The following VCP variants were observed in gnomAD, a reference collection of about 807,000 sequenced individuals.
VCP encodes the protein transitional endoplasmic reticulum ATPase.
In VCP, 6 loss-of-function variants were observed where a neutral mutation model predicts 85.7. The observed-to-expected ratio is 0.07, with a 90% CI of 0.04 to 0.14. The LOEUF (loss-of-function observed/expected upper bound fraction) is 0.14, where lower values mean the gene tolerates loss of function less well. Ranked by LOEUF, VCP falls within the 10% of genes least tolerant of loss-of-function variation. The pLI is 1.00. For synonymous variants in VCP, 384 were observed against 367.1 expected (o/e 1.05, Z -0.53); for missense variants, 353 against 1,043.4 (o/e 0.34, Z 9.12).
intron 7 of VCP, 43 bp from the exon 8 acceptor site, chr9:35,062,393 T>C (rs1272343565): frequency 1.2e-6 from 2 of 1,613,514 alleles, no homozygotes; most frequent in Non-Finnish European, 1.7e-6. Context: ...ATGATAGTCT[T>C]TCCCAATTCC....
rs200767982 is a variant in VCP, at chr9:35,057,462, C to T, written c.2229G>A (p.Ala743=). Residue 743 remains alanine, a synonymous_variant, in exon 16 of 17, where the codon GCG becomes GCA. Transcript: ENST00000358901. ...TGTCATTGTCACTGACAGAACGGCG[C>T]GCAAAGCGCATGGCTTCTTCAAAGT... ...RDHFEEAMRF[A]RRSVSDNDIR... 96 of 1,614,164 alleles carry T rather than the reference C, an allele frequency of 5.9e-5. No homozygotes were observed. Among genetic ancestry groups the T allele is most frequent in the East Asian group, 4.0e-4 (18 of 44,896 alleles).
At position 35,056,895 on chromosome 9, in the gene VCP, A is replaced by C. The variant is rs552274643; in HGVS notation, c.*222T>G. The C allele has an allele frequency of 5.5e-6, 3 of 540,764 alleles. No individual in the cohort carries two copies. Among genetic ancestry groups the C allele is most frequent in the Non-Finnish European group, 1.0e-5 (3 of 297,200 alleles). 33.5% of individuals were successfully genotyped at this position (540,764 alleles called of 1,614,324 possible). ...AGGCCCAATTCCCTGTTGGTAATTC[A>C]CTCTCCGCCTACCAAATGAAAATCG... On this transcript the variant is annotated 3_prime_UTR_variant, in exon 17 of 17. Transcript: ENST00000358901.
At chr9:35,070,796 C>T (rs1050704856) in intron 1 of VCP, among the ~76,000 whole-genome samples, 1 of 152,190 alleles carries the variant, frequency 6.6e-6, no homozygotes, top group African/African-American at 2.4e-5. Flanking sequence ...TGCCTACCAT[C>T]CCGGACTCTG....
chr9:35,057,971 TACC>T (rs1360808108), intron 15 of VCP: 1 of 295,200 alleles, frequency 3.4e-6, no homozygotes, highest in African/African-American at 2.2e-5. Flanking sequence ...TTTCAGTGCT[TACC>T]ACATTTGGAT....
In VCP at chr9:35,060,465, G is replaced by A. The variant is rs1209827871; in HGVS notation, c.1543C>T (p.Leu515=). 6.2e-7 allele frequency: 1 copy of A among 1,614,244 alleles called. No homozygotes were observed. The highest frequency in any genetic ancestry group is 8.5e-7 in the Non-Finnish European group (1 of 1,180,048). Residue 515 remains leucine (L), a synonymous_variant, in exon 13 of 17, where the codon CTG becomes TTG. Transcript: ENST00000358901. ...CCACAGCCAGGAGGTCCATAGAACA[G>A]AACTCCCTTGGAAGGTGTCATGCCA... is the stretch of plus-strand genomic sequence containing the variant. The part of the protein sequence containing the change: ...KFGMTPSKGV[L]FYGPPGCGKT...
rs774553416 is a variant in VCP, at chr9:35,068,231, A to G, written c.129+20T>C. The G allele has an allele frequency of 1.2e-6, 2 of 1,611,366 alleles. No individual in the cohort carries two copies. The highest frequency in any genetic ancestry group is 2.2e-5 in the South Asian group (2 of 91,008). On this transcript the variant is annotated intron_variant, in intron 2 of 16. Coordinates refer to ENST00000358901, the MANE Select transcript of VCP (RefSeq NM_007126.5). ...CAAGTAAGTGCAGTAAGGAAAGACT[A>G]GTCTGTGGCCACAGCTTACCTGGGA...
At position 35,059,958 on chromosome 9, in the gene VCP, C is replaced by CT. The variant is rs1828689074; in HGVS notation, c.1696-158dup. ...AACCAGCATGGGCAACATACTGAGA[C>CT]TTTGTCTCTACAAAAAATAAAAAAT... On this transcript the variant is annotated intron_variant, in intron 13 of 16. Coordinates refer to ENST00000358901, the MANE Select transcript of VCP (RefSeq NM_007126.5). The surrounding 1 kb of genome is among the most constrained non-coding windows in gnomAD (Gnocchi z 4.9). The CT allele has an allele frequency of 2.2e-6, 2 of 906,766 alleles. No homozygotes were observed. Among genetic ancestry groups the CT allele is most frequent in the South Asian group, 3.2e-5 (2 of 62,344 alleles). The allele number at this position is 906,766 out of a possible 1,614,324, so 56.2% of individuals were successfully genotyped here.
chr9:35,071,367 C>T (rs1828940917), intron 1 of VCP, among the ~76,000 whole-genome samples: 1 of 120,496 alleles, frequency 8.3e-6, no homozygotes, highest in South Asian at 2.9e-4. Context: ...CTGAGGTAGC[C>T]AAGTTTTATC....
In VCP at chr9:35,057,137, CATT is replaced by C. The variant is rs759030803; in HGVS notation, c.2398_2400del (p.Asn800del). ...ACCACTTAGCCATACAGGTCATCAT[CATT>C]GTCTTCTGTGTATACACTGCCACCT... On this transcript the variant is annotated inframe_deletion, in exon 17 of 17. Transcript: ENST00000358901. The C allele has an allele frequency of 7.4e-6, 12 of 1,614,062 alleles. No homozygotes were observed. The highest frequency in any genetic ancestry group is 5.5e-5 in the South Asian group (5 of 91,076).
chr9:35,058,576 C>T (rs1458393154), intron 15 of VCP, among the ~76,000 whole-genome samples: 2 of 152,048 alleles, frequency 1.3e-5, no homozygotes, highest in African/African-American at 2.4e-5. Flanking sequence ...TCCTGGCTAA[C>T]GTGGTGAAAC....
At chr9:35,065,753 A>G (rs1828815940) in intron 4 of VCP, among the ~76,000 whole-genome samples, 2 of 152,060 alleles carry the variant, frequency 1.3e-5, no homozygotes, top group South Asian at 4.1e-4. Flanking sequence ...CCATAAAGAT[A>G]GCTTACTCTC....
intron 3 of VCP, 120 bp downstream of exon 3, chr9:35,067,771 G>C: frequency 2.3e-6 from 3 of 1,318,156 alleles, no homozygotes; most frequent in Non-Finnish European, 3.2e-6. Context: ...CCATGACCAG[G>C]AGGCTTCCTG....
rs901263905 is a variant in VCP, at chr9:35,059,859, G to A, written c.1696-58C>T. On this transcript the variant is annotated intron_variant, in intron 13 of 16. Transcript: ENST00000358901. This position sits in a 1 kb window ranked among gnomAD's most constrained non-coding sequence, Gnocchi z 4.9. ...CAAAACTAGATGTCTCTAGGCAAAC[G>A]TGGTGGCTCACACCTGTATTCCCAG... 7 of 1,609,368 alleles carry A rather than the reference G, an allele frequency of 4.3e-6. No homozygotes were observed. In the African/African-American group the frequency reaches 8.0e-5, roughly 18 times the overall value.
rs773849967 is a variant in VCP at position 35,064,130 on chromosome 9, G to C, written c.708+24C>G. Reference sequence around the variant, plus strand: ...TAGACATTGGCACCACTTTAGACTTGATTCCAGAGCCCAGGATGCTCACCT... The same window carrying C: ...TAGACATTGGCACCACTTTAGACTTCATTCCAGAGCCCAGGATGCTCACCT... On this transcript the variant is annotated intron_variant, in intron 6 of 16. Transcript: ENST00000358901. 5.0e-6 allele frequency: 8 copies of C among 1,613,984 alleles called. No individual in the cohort carries two copies. The East Asian group carries it at 1.8e-4, about 36-fold the overall frequency.
chr9:35,071,267 G>A (rs923427798), intron 1 of VCP, among the ~76,000 whole-genome samples: 4 of 141,588 alleles, frequency 2.8e-5, no homozygotes, highest in Non-Finnish European at 4.5e-5. Flanking sequence ...AAGGTAATTT[G>A]CATAGAGTTT....
chr9:35,066,694 C>A lies in VCP; in HGVS notation c.426G>T (p.Ala142=). ...EVYLKPYFLE[A]YRPIRKGDIF... ...TCTCACCTTTCCGGATGGGTCGATA[C>A]GCTTCCAGGAAGTACGGCTTAAGGT... Residue 142 remains alanine (A), a synonymous_variant, in exon 4 of 17, where the codon GCG becomes GCT. Coordinates refer to ENST00000358901, the MANE Select transcript of VCP (RefSeq NM_007126.5). 1 of 1,614,020 alleles carries A rather than the reference C, an allele frequency of 6.2e-7. No individual in the cohort carries two copies. Among genetic ancestry groups the A allele is most frequent in the Admixed American group, 1.7e-5 (1 of 59,990 alleles).
At chr9:35,071,872 G>A in intron 1 of VCP, 1 of 995,394 alleles carries the variant, frequency 1.0e-6, no homozygotes, top group Non-Finnish European at 1.2e-6. Context: ...CCTTCACATG[G>A]CGCAAAGTCC....
chr9:35,062,380 A>G (rs751145794), intron 7 of VCP, 30 bp from the exon 8 acceptor site: 1 of 1,613,962 alleles, frequency 6.2e-7, no homozygotes, highest in Non-Finnish European at 8.5e-7. Context: ...AGACAATAAC[A>G]AAATGATAGT....
Position 35,059,085 on chromosome 9 carries a change from C to T in VCP, c.2139G>A (p.Arg713=). Residue 713 remains arginine, a synonymous_variant, in exon 15 of 17, where the codon AGG becomes AGA. Transcript: ENST00000358901. The surrounding 1 kb of genome is among the most constrained non-coding windows in gnomAD (Gnocchi z 4.9). ...IESEIRRERE[R]QTNPSAMEVE... is the part of the protein sequence containing the mutation. ...TCACCATGGCTGATGGGTTTGTCTG[C>T]CTCTCTCGTTCTCGCCTAATCTCAC... 6.2e-7 allele frequency: 1 copy of T among 1,614,070 alleles called. No individual in the cohort carries two copies. Among genetic ancestry groups the T allele is most frequent in the Non-Finnish European group, 8.5e-7 (1 of 1,180,032 alleles).
Sources: allele counts gnomAD v4.1 joint callset (sites outside exome capture counted in the v4.1 genomes callset), GRCh38; gene constraint gnomAD v4.1.1; non-coding constraint Gnocchi (gnomAD v3.1); transcripts MANE v1.5; gene names NCBI Gene and HGNC (gene_info 2026-07-23, HGNC 2026-07-21).